Variants in CCSER1 observed in about 807,000 individuals in gnomAD.
CCSER1 encodes serine-rich coiled-coil domain-containing protein 1.
A neutral mutation model predicts 82.0 loss-of-function variants in CCSER1; 41 were observed. That is an observed-to-expected ratio of 0.50 (90% confidence interval 0.39 to 0.65). The LOEUF (loss-of-function observed/expected upper bound fraction) is 0.65. Among genes scored for constraint, CCSER1 ranks in the 30% least tolerant of loss-of-function variants. The pLI is 0.00. For missense variants in CCSER1, 1,119 were observed against 1,064.2 expected, an observed-to-expected ratio of 1.05 and a Z score of -0.72; for synonymous variants, 414 against 383.9, an observed-to-expected ratio of 1.08 and a Z score of -0.92.
intron 1 of CCSER1, among the ~76,000 whole-genome samples, chr4:90,300,631 G>A (rs1732914563): frequency 6.6e-6 from 1 of 152,090 alleles, no homozygotes; most frequent in African/African-American, 2.4e-5. Context: ...TATGAGGGGT[G>A]TCCAAATTCT....
chr4:91,171,674 T>TCTC (rs1436178960), intron 10 of CCSER1, among the ~76,000 whole-genome samples: 5 of 152,228 alleles, frequency 3.3e-5, no homozygotes, highest in Admixed American at 6.5e-5. Flanking sequence ...ATATGACACT[T>TCTC]CTCTATACTA....
chr4:90,200,061 GACACACACACACACAC>G (rs71596519), intron 1 of CCSER1, among the ~76,000 whole-genome samples: 1 of 144,864 alleles, frequency 6.9e-6, no homozygotes. Context: ...CGTGCACGCA[GACACACACACACACAC>G]ACACACACAC....
chr4:91,474,928 A>G (rs981035385), intron 10 of CCSER1, among the ~76,000 whole-genome samples: 2 of 151,626 alleles, frequency 1.3e-5, no homozygotes, highest in African/African-American at 2.4e-5. Flanking sequence ...TTGTGTATTT[A>G]TCATTGCATG....
chr4:90,222,640 C>A (rs904218914), intron 1 of CCSER1, among the ~76,000 whole-genome samples: 1 of 152,164 alleles, frequency 6.6e-6, no homozygotes. Context: ...TCCCTTGGTA[C>A]TCTCTACCAA....
chr4:91,518,811 G>C (rs192075481), intron 10 of CCSER1, among the ~76,000 whole-genome samples: 227 of 152,282 alleles, frequency 1.5e-3, no homozygotes, highest in African/African-American at 5.2e-3. Flanking sequence ...GGGAAACTGA[G>C]AGCCACCACC....
chr4:90,817,415 A>G (rs558645554), intron 8 of CCSER1, among the ~76,000 whole-genome samples: 2 of 152,110 alleles, frequency 1.3e-5, no homozygotes, highest in African/African-American at 4.8e-5. Context: ...AATGAAAAAG[A>G]AAATGATTAC....
chr4:91,590,735 G>A (rs994790333), intron 10 of CCSER1, among the ~76,000 whole-genome samples: 4 of 152,018 alleles, frequency 2.6e-5, no homozygotes, highest in Non-Finnish European at 5.9e-5. Flanking sequence ...GTATTACTAC[G>A]TTGGATTGAT....
chr4:90,761,308 TTA>T (rs1750378463), intron 7 of CCSER1, among the ~76,000 whole-genome samples: 1 of 152,162 alleles, frequency 6.6e-6, no homozygotes. Flanking sequence ...ATTATCTTAT[TTA>T]TCTTTGTGTC....
At chr4:90,487,472 A>G (rs1560596954) in intron 5 of CCSER1, among the ~76,000 whole-genome samples, 1 of 152,130 alleles carries the variant, frequency 6.6e-6, no homozygotes, top group Non-Finnish European at 1.5e-5. Flanking sequence ...TCTATCATAT[A>G]CTTGTTTGTT....
rs143930566 is a variant in CCSER1 at position 91,542,144 on chromosome 4, G to A, written c.2218-56428G>A. Among the ~76,000 whole-genome samples the A allele has an allele frequency of 2.2e-4, 33 of 152,248 alleles. No individual in the cohort carries two copies. In the East Asian group the frequency reaches 6.4e-3, roughly 29 times the overall value. ...TGGATATGAGCCCTTTGCCAGATGG[G>A]TAGATTGTAAAAATTTTCTCCCATT... On this transcript the variant is annotated intron_variant, in intron 10 of 10. Transcript: ENST00000509176.
chr4:91,352,247 T>C (rs905531956), intron 10 of CCSER1, among the ~76,000 whole-genome samples: 1 of 152,176 alleles, frequency 6.6e-6, no homozygotes, highest in African/African-American at 2.4e-5. Context: ...ATTTATTTTA[T>C]TTTAGTTTAG....
chr4:90,719,644 G>T (rs1277062655), intron 6 of CCSER1, among the ~76,000 whole-genome samples: 1 of 151,762 alleles, frequency 6.6e-6, no homozygotes. Context: ...AGATTTGTCT[G>T]ATATTTTTCT....
intron 7 of CCSER1, among the ~76,000 whole-genome samples, chr4:90,796,418 T>TA (rs70963082): frequency 0.21 from 16,824 of 79,590 alleles, 1,044 homozygotes; most frequent in African/African-American, 0.29. Context: ...GTACTAAATT[T>TA]AAAAAAAAAA....
At chr4:90,622,369 A>G (rs1722474271) in intron 5 of CCSER1, among the ~76,000 whole-genome samples, 1 of 152,160 alleles carries the variant, frequency 6.6e-6, no homozygotes, top group African/African-American at 2.4e-5. Context: ...TGCTGCACCC[A>G]TTAACTCCTT....
intron 1 of CCSER1, among the ~76,000 whole-genome samples, chr4:90,283,823 C>T (rs1361025041): frequency 2.0e-5 from 3 of 151,896 alleles, no homozygotes; most frequent in African/African-American, 7.2e-5. Flanking sequence ...GTATTGATTT[C>T]CTTTCTTTTG....
At chr4:90,301,194 A>C (rs1733029956) in intron 1 of CCSER1, among the ~76,000 whole-genome samples, 1 of 152,178 alleles carries the variant, frequency 6.6e-6, no homozygotes, top group Non-Finnish European at 1.5e-5. Context: ...AACTTTAAGT[A>C]GGTAACATAT....
chr4:90,686,627 A>G (rs930452186), intron 6 of CCSER1, among the ~76,000 whole-genome samples: 5 of 152,112 alleles, frequency 3.3e-5, no homozygotes, highest in Non-Finnish European at 1.5e-5. Flanking sequence ...TAGCCTAAGC[A>G]TAACTCTTTC....
chr4:91,061,558 C>T (rs1743957417), intron 9 of CCSER1, among the ~76,000 whole-genome samples: 1 of 151,738 alleles, frequency 6.6e-6, no homozygotes, highest in Non-Finnish European at 1.5e-5. Flanking sequence ...TTTTTTCTGT[C>T]TAACTTAAGA....
At chr4:90,380,244 T>C (rs1749002089) in intron 3 of CCSER1, among the ~76,000 whole-genome samples, 1 of 152,158 alleles carries the variant, frequency 6.6e-6, no homozygotes, top group African/African-American at 2.4e-5. Context: ...AAATAAGTGA[T>C]ACTTTAGAGG....
Sources: gnomAD v4.1 joint callset for allele counts (sites outside exome capture counted in the v4.1 genomes callset) on GRCh38, gnomAD v4.1.1 for gene constraint, MANE v1.5 for transcripts, NCBI Gene and HGNC (gene_info 2026-07-23, HGNC 2026-07-21) for gene names.